Variants in MAPT observed in about 807,000 individuals in gnomAD.
MAPT encodes the protein microtubule-associated protein tau.
A neutral mutation model predicts 67.9 loss-of-function variants in MAPT; 34 were observed. The ratio of observed to expected loss-of-function variants is 0.50; its 90% CI spans 0.38 to 0.67. The LOEUF (loss-of-function observed/expected upper bound fraction) is 0.67. Ranked by LOEUF, MAPT falls within the 30% of genes least tolerant of loss-of-function variation. The pLI, the probability that MAPT is intolerant of heterozygous loss-of-function variation, is 0.00. For synonymous variants in MAPT, 456 were observed against 464.5 expected, an observed-to-expected ratio of 0.98 and a Z score of 0.23; for missense variants, 881 against 1,115.2, an observed-to-expected ratio of 0.79 and a Z score of 2.99.
At chr17:45,962,206 C>A in intron 1 of MAPT, 115 bp from the exon 2 acceptor site, 1 of 829,200 alleles carries the variant, frequency 1.2e-6, no homozygotes, top group Non-Finnish European at 2.0e-6. Context: ...GAGAGGGTAG[C>A]AGGGAGGCTG....
intron 2 of MAPT, among the ~76,000 whole-genome samples, chr17:45,967,284 T>C (rs939452211): frequency 6.6e-6 from 1 of 152,190 alleles, no homozygotes; most frequent in Non-Finnish European, 1.5e-5. Flanking sequence ...CCTCCTTCAC[T>C]ACTTCCAAGG....
chr17:45,896,332 G>A lies in MAPT; in HGVS notation c.-18+1646G>A, dbSNP rs1428163478. 2 of 152,242 alleles carry A rather than the reference G, an allele frequency of 1.3e-5. No homozygotes were observed. Among genetic ancestry groups the A allele is most frequent in the Non-Finnish European group, 2.9e-5 (2 of 68,076 alleles). 9.4% of individuals were successfully genotyped at this position (152,242 alleles called of 1,614,324 possible). A position where few individuals can be genotyped will look rare whatever the true frequency, so the allele number is the denominator to read the frequency against. ...TGTCCTGAGGGCCACGCCACACCAG[G>A]TTGCCCAGCGAGGGACGCTGGCTAC... On this transcript the variant is annotated intron_variant, in intron 1 of 12. Transcript: ENST00000262410. This position sits in a 1 kb window ranked among gnomAD's most constrained non-coding sequence, Gnocchi z 5.6.
intron 1 of MAPT, among the ~76,000 whole-genome samples, chr17:45,900,152 G>A (rs2063521489): frequency 6.6e-6 from 1 of 152,200 alleles, no homozygotes; most frequent in Admixed American, 6.5e-5. Flanking sequence ...GCAAAGATGG[G>A]CCTGGGAGGC....
intron 2 of MAPT, among the ~76,000 whole-genome samples, chr17:45,967,065 C>T (rs62063295): frequency 0.14 from 21,996 of 152,132 alleles, 2,135 homozygotes; most frequent in Non-Finnish European, 0.22. Context: ...AAATAAGTGA[C>T]AGAAGACAAG....
Position 45,903,990 on chromosome 17 carries a change from A to ATATTATATATTATATATT in MAPT, c.-18+9307_-18+9308insTATATATTATATATTTAT, listed in dbSNP as rs1568133646. On this transcript the variant is annotated intron_variant, in intron 1 of 12. Coordinates refer to ENST00000262410, the MANE Select transcript of MAPT (RefSeq NM_001377265.1). ...ATTATATATTATATATTATATATTT[A>ATATTATATATTATATATT]TATATATTATATATTATATATATTA... Among the ~76,000 whole-genome samples, 18 of 14,294 alleles carry ATATTATATATTATATATT rather than the reference A, an allele frequency of 1.3e-3. 2 individuals carry two copies. Among genetic ancestry groups the ATATTATATATTATATATT allele is most frequent in the Non-Finnish European group, 2.3e-3 (17 of 7,540 alleles). 9.4% of individuals were successfully genotyped at this position (14,294 alleles called of 152,430 possible). A position where few individuals can be genotyped will look rare whatever the true frequency, so the allele number is the denominator to read the frequency against.
chr17:45,999,100 A>G (rs62063856), intron 9 of MAPT: 213,785 of 1,158,424 alleles, frequency 0.18, 22,858 homozygotes, highest in Non-Finnish European at 0.22. Context: ...GTTCTGCCAT[A>G]CCCTGCCCTG....
At position 46,010,191 on chromosome 17, in the gene MAPT, C is replaced by T. The variant is rs761283872; in HGVS notation, c.1999-119C>T. 11 of 741,030 alleles carry T rather than the reference C, an allele frequency of 1.5e-5. No individual in the cohort carries two copies. Among genetic ancestry groups the T allele is most frequent in the Middle Eastern group, 3.6e-4 (1 of 2,808 alleles). 45.9% of individuals were successfully genotyped at this position (741,030 alleles called of 1,614,324 possible). Reference sequence around the variant, plus strand: ...AAGTCCGAAAGTGGAGGCATCCTTGCGAGCAAGTAGGCGGGTCCAGGGTGG... The same window carrying T: ...AAGTCCGAAAGTGGAGGCATCCTTGTGAGCAAGTAGGCGGGTCCAGGGTGG... On this transcript the variant is annotated intron_variant, in intron 9 of 12. Transcript: ENST00000262410. This position sits in a 1 kb window ranked among gnomAD's most constrained non-coding sequence, Gnocchi z 4.7.
At position 45,914,093 on chromosome 17, in the gene MAPT, C is replaced by T. The variant is rs563477573; in HGVS notation, c.-18+19407C>T. Among the ~76,000 whole-genome samples, 189 of 145,536 alleles carry T rather than the reference C, an allele frequency of 1.3e-3. 3 individuals are homozygous for T. The highest frequency in any genetic ancestry group is 4.7e-3 in the South Asian group (22 of 4,684). On this transcript the variant is annotated intron_variant, in intron 1 of 12. Transcript: ENST00000262410. ...TTTAACATGAAAAGGTGCTTGATCT[C>T]CCTCATAATAAAAAGACTGCTGATT...
chr17:45,986,753 T>A (rs1032620278), intron 5 of MAPT, among the ~76,000 whole-genome samples: 1 of 152,224 alleles, frequency 6.6e-6, no homozygotes, highest in Non-Finnish European at 1.5e-5. Context: ...CATGCCATCA[T>A]GTCCCCGTGA....
chr17:45,961,388 C>T (rs542162050), intron 1 of MAPT, among the ~76,000 whole-genome samples: 1 of 152,238 alleles, frequency 6.6e-6, no homozygotes, highest in African/African-American at 2.4e-5. Context: ...TGGGGTGCTT[C>T]TCAGCCCACC....
intron 12 of MAPT, among the ~76,000 whole-genome samples, chr17:46,022,065 C>T (rs1005428475): frequency 2.6e-5 from 4 of 152,116 alleles, no homozygotes; most frequent in Admixed American, 6.5e-5. Context: ...CAAGAAAATA[C>T]AGTAACAGGT....
intron 1 of MAPT, among the ~76,000 whole-genome samples, chr17:45,901,070 C>T (rs980080254): frequency 2.0e-5 from 3 of 152,188 alleles, no homozygotes; most frequent in Non-Finnish European, 1.5e-5. Context: ...TCGGCAACTA[C>T]CCAGCTCCCC....
chr17:45,952,506 T>C (rs2069184585), intron 1 of MAPT, among the ~76,000 whole-genome samples: 1 of 152,188 alleles, frequency 6.6e-6, no homozygotes. Flanking sequence ...AAATTTAGAC[T>C]GGGTGCTGTG....
intron 3 of MAPT, chr17:45,974,228 G>A: frequency 1.5e-6 from 1 of 663,658 alleles, no homozygotes; most frequent in Non-Finnish European, 2.7e-6. Context: ...GGAGCTGGTA[G>A]CAGGGGCTCC....
chr17:45,978,712 C>T, intron 4 of MAPT: 1 of 483,062 alleles, frequency 2.1e-6, no homozygotes, highest in East Asian at 3.4e-5. Flanking sequence ...GAATGTCTAA[C>T]AGAAACTCTA....
intron 1 of MAPT, among the ~76,000 whole-genome samples, chr17:45,919,103 A>C (rs1012398125): frequency 2.0e-5 from 3 of 151,842 alleles, no homozygotes; most frequent in Non-Finnish European, 2.9e-5. Context: ...ATTGCAAGAA[A>C]TAAATTATTG....
chr17:45,964,235 T>C (rs866410634), intron 2 of MAPT, among the ~76,000 whole-genome samples: 8 of 152,216 alleles, frequency 5.3e-5, no homozygotes, highest in South Asian at 2.1e-4. Flanking sequence ...TACTTTAAGT[T>C]CTAGGGTACA....
At chr17:45,947,507 C>A (rs1288258751) in intron 1 of MAPT, among the ~76,000 whole-genome samples, 1 of 151,854 alleles carries the variant, frequency 6.6e-6, no homozygotes, top group Non-Finnish European at 1.5e-5. Flanking sequence ...CCTGCCTCAG[C>A]CTCCCCAGTA....
At chr17:45,960,986 T>A in intron 1 of MAPT, among the ~76,000 whole-genome samples, 1 of 151,234 alleles carries the variant, frequency 6.6e-6, no homozygotes, top group East Asian at 1.9e-4. Context: ...AGAAACTTGG[T>A]CATTGAAAGG....
Sources: allele counts gnomAD v4.1 joint callset (sites outside exome capture counted in the v4.1 genomes callset), GRCh38; gene constraint gnomAD v4.1.1; non-coding constraint Gnocchi (gnomAD v3.1); transcripts MANE v1.5; gene names NCBI Gene and HGNC (gene_info 2026-07-23, HGNC 2026-07-21).